The following SLC41A3 variants were observed in gnomAD, a reference collection of about 807,000 sequenced individuals.
SLC41A3 encodes SLC41A1-like 2.
Under a neutral mutation model 45.4 loss-of-function variants are expected in SLC41A3, and 44 were observed. That is an observed-to-expected ratio of 0.97 (90% CI 0.76 to 1.25). The LOEUF (loss-of-function observed/expected upper bound fraction) is 1.25. Ranked by LOEUF, SLC41A3 falls within the 50% of genes most tolerant of loss-of-function variation. The probability of loss-of-function intolerance (pLI) is 0.00; values close to 1 mark genes in which losing one functional copy is unlikely to be tolerated. For missense variants in SLC41A3, 550 were observed against 600.6 expected (o/e 0.92, Z 0.88); for synonymous variants, 256 against 252.4 (o/e 1.01, Z -0.13).
intron 7 of SLC41A3, 21 bp from the exon 8 acceptor site, chr3:126,015,594 A>C (rs1212641423): frequency 6.2e-7 from 1 of 1,613,338 alleles, no homozygotes; most frequent in Non-Finnish European, 8.5e-7. Context: ...AGCAGACAGC[A>C]GTCAAGTTAT....
intron 2 of SLC41A3, among the ~76,000 whole-genome samples, chr3:126,062,314 C>T (rs1311191147): frequency 6.6e-6 from 1 of 152,226 alleles, no homozygotes; most frequent in Admixed American, 6.5e-5. Flanking sequence ...CTGCTATAGA[C>T]TTGGCTAATA....
At chr3:126,011,054 A>G (rs1267985541) in intron 9 of SLC41A3, among the ~76,000 whole-genome samples, 1 of 152,198 alleles carries the variant, frequency 6.6e-6, no homozygotes, top group East Asian at 1.9e-4. Flanking sequence ...AAAAATCTCA[A>G]CCTGGATGAG....
chr3:126,021,990 C>T (rs1576233056), intron 6 of SLC41A3, among the ~76,000 whole-genome samples: 5 of 152,272 alleles, frequency 3.3e-5, no homozygotes, highest in Admixed American at 3.3e-4. Context: ...AACAAAATAC[C>T]TTTAAACAAC....
rs1225541528 is a variant in SLC41A3 at position 126,050,989 on chromosome 3, A to G, written c.335T>C (p.Leu112Pro). 2 of 1,612,710 alleles carry G rather than the reference A, an allele frequency of 1.2e-6. No homozygotes were observed. The highest frequency in any genetic ancestry group is 1.7e-6 in the Non-Finnish European group (2 of 1,179,392). The change falls in exon 3 of 11, where the codon CTG becomes CCG. Residue 112 changes from leucine to proline, a missense_variant. By Grantham distance (98) the Leu-to-Pro change is moderately conservative (BLOSUM62 -3). Coordinates refer to ENST00000360370, the MANE Select transcript of SLC41A3 (RefSeq NM_017836.4). ...LLTLVPPLVG[L>P]KGNLEMTLAS... is the part of the protein sequence containing the mutation. ...CAGTGTCATCTCCAGGTTCCCCTTC[A>G]GGCCCACCAGGGGCGGCACCAATGT...
At chr3:126,069,972 C>A (rs968446924) in intron 1 of SLC41A3, among the ~76,000 whole-genome samples, 1 of 151,734 alleles carries the variant, frequency 6.6e-6, no homozygotes, top group African/African-American at 2.4e-5. Flanking sequence ...AGAAACAGGA[C>A]CTCCGAGAAC....
chr3:126,067,096 C>G (rs879716220), intron 2 of SLC41A3, among the ~76,000 whole-genome samples: 33,040 of 133,556 alleles, frequency 0.25, 4,965 homozygotes, highest in Non-Finnish European at 0.29. Context: ...TTGGACCGCC[C>G]CCCCGCCCCC....
chr3:126,057,526 A>G (rs1347598968), intron 2 of SLC41A3, among the ~76,000 whole-genome samples: 4 of 152,104 alleles, frequency 2.6e-5, no homozygotes, highest in African/African-American at 9.7e-5. Flanking sequence ...CACCAGCTGA[A>G]CCCAGCACTG....
At chr3:126,073,719 G>T (rs542986796) in intron 1 of SLC41A3, among the ~76,000 whole-genome samples, 2 of 152,184 alleles carry the variant, frequency 1.3e-5, no homozygotes, top group South Asian at 4.1e-4. Flanking sequence ...GATTGAATTA[G>T]TAATCAAAAA....
At chr3:126,008,906 C>A in intron 9 of SLC41A3, 26 bp from the exon 10 acceptor site, 2 of 1,611,904 alleles carry the variant, frequency 1.2e-6, no homozygotes, top group South Asian at 2.2e-5. Context: ...CCAAGAAGGT[C>A]ATGTGACCTG....
At chr3:126,046,637 T>C (rs1281340005) in intron 3 of SLC41A3, among the ~76,000 whole-genome samples, 1 of 152,214 alleles carries the variant, frequency 6.6e-6, no homozygotes, top group East Asian at 1.9e-4. Context: ...ACATACCATA[T>C]CCATGGACTG....
At chr3:126,092,398 ACT>A (rs1945506471) in intron 1 of SLC41A3, among the ~76,000 whole-genome samples, 1 of 152,240 alleles carries the variant, frequency 6.6e-6, no homozygotes, top group Admixed American at 6.5e-5. Context: ...CATAAGGGAT[ACT>A]TTTAGTTAAT....
At chr3:126,082,324 T>C (rs1479506603) in intron 1 of SLC41A3, among the ~76,000 whole-genome samples, 2 of 152,128 alleles carry the variant, frequency 1.3e-5, no homozygotes, top group Admixed American at 6.5e-5. Flanking sequence ...AGGCATTGCC[T>C]CCAAGGTCCC....
chr3:126,088,110 G>A (rs931293767), upstream of SLC41A3, among the ~76,000 whole-genome samples: 2 of 152,032 alleles, frequency 1.3e-5, no homozygotes, highest in Admixed American at 6.5e-5. Context: ...ATAGTTATAG[G>A]ATAATTAACA....
At chr3:126,084,948 G>A (rs1209554492), upstream of SLC41A3, among the ~76,000 whole-genome samples, 1 of 152,186 alleles carries the variant, frequency 6.6e-6, no homozygotes, top group African/African-American at 2.4e-5. Flanking sequence ...CAGACTTTAA[G>A]TCTGATAAGA....
intron 1 of SLC41A3, among the ~76,000 whole-genome samples, chr3:126,073,781 C>T (rs1576360293): frequency 6.6e-6 from 1 of 151,940 alleles, no homozygotes; most frequent in Non-Finnish European, 1.5e-5. Flanking sequence ...GAGAAGTCTA[C>T]CAAGCATTTA....
At chr3:126,040,637 G>A (rs11919781) in intron 3 of SLC41A3, among the ~76,000 whole-genome samples, 44,554 of 151,820 alleles carry the variant, frequency 0.29, 6,725 homozygotes, top group African/African-American at 0.35. Context: ...CAGATGCAGC[G>A]AGAGTGTTGG....
At chr3:126,018,699 A>G (rs1451971022) in intron 6 of SLC41A3, among the ~76,000 whole-genome samples, 6 of 152,230 alleles carry the variant, frequency 3.9e-5, no homozygotes, top group Non-Finnish European at 8.8e-5. Flanking sequence ...CTGTCACTGC[A>G]TGCCCACTGC....
chr3:126,006,580 A>G lies in SLC41A3; in HGVS notation c.*436T>C, dbSNP rs1939123070. The G allele has an allele frequency of 6.3e-7, 1 of 1,588,774 alleles. No individual in the cohort carries two copies. Among genetic ancestry groups the G allele is most frequent in the Non-Finnish European group, 8.5e-7 (1 of 1,173,252 alleles). On this transcript the variant is annotated 3_prime_UTR_variant, in exon 11 of 11. Coordinates refer to ENST00000360370, the MANE Select transcript of SLC41A3 (RefSeq NM_017836.4). ...GAGCTTGAACCTGGTGAAGACAGCA[A>G]GTAAGCCACAGCTCAAGAGTTCTGA...
chr3:126,022,947 A>AGG lies in SLC41A3; in HGVS notation c.599-17_599-16dup. On this transcript the variant is annotated splice_polypyrimidine_tract_variant and intron_variant, in intron 5 of 10. Transcript: ENST00000360370. ...CATCAGCACCCCTGCAGAGAGAGAG[A>AGG]GGAGAAACAGCAGACTCAAATCCCA... is the stretch of plus-strand genomic sequence containing the variant. 3 of 1,613,058 alleles carry AGG rather than the reference A, an allele frequency of 1.9e-6. No homozygotes were observed. The highest frequency in any genetic ancestry group is 2.5e-6 in the Non-Finnish European group (3 of 1,179,352).
Sources: allele counts gnomAD v4.1 joint callset (sites outside exome capture counted in the v4.1 genomes callset), GRCh38; gene constraint gnomAD v4.1.1; transcripts MANE v1.5; gene names NCBI Gene and HGNC (gene_info 2026-07-23, HGNC 2026-07-21).